KAZN: variants seen among roughly 807,000 people sequenced by gnomAD.
KAZN encodes the protein kazrin, periplakin interacting protein, also known as kazrin.
A neutral mutation model predicts 87.4 loss-of-function variants in KAZN; 40 were observed. The observed-to-expected ratio is 0.46, with a 90% CI of 0.36 to 0.60. KAZN has a LOEUF of 0.60. KAZN is among the 20% of genes least tolerant of loss of function. The probability of loss-of-function intolerance (pLI) is 0.00; values close to 1 mark genes in which losing one functional copy is unlikely to be tolerated. For synonymous variants in KAZN, 466 were observed against 458.3 expected (o/e 1.02, Z -0.22); for missense variants, 898 against 1,073.9 (o/e 0.84, Z 2.29).
At chr1:14,958,213 C>T (rs7551457) in intron 1 of KAZN, among the ~76,000 whole-genome samples, 26,871 of 152,184 alleles carry the variant, frequency 0.18, 2,818 homozygotes, top group Non-Finnish European at 0.24. Flanking sequence ...GCACTGATGG[C>T]GAGGGTAGGG....
At chr1:14,854,334 A>G (rs1014254402) in intron 1 of KAZN, among the ~76,000 whole-genome samples, 2 of 152,350 alleles carry the variant, frequency 1.3e-5, no homozygotes, top group African/African-American at 4.8e-5. Flanking sequence ...TTTCCTTTGC[A>G]GTATTTCAAT....
chr1:15,065,855 C>G lies in KAZN; in HGVS notation c.1222+102C>G, dbSNP rs1639187004. On this transcript the variant is annotated intron_variant, in intron 8 of 14. Coordinates refer to ENST00000376030, the MANE Select transcript of KAZN (RefSeq NM_201628.3). ...GTGTCTGTGCGTGTGGGCGTGTGTG[C>G]AAGCGAGCGTGGGTGCGCGTGTGGC... 4.3e-5 allele frequency: 67 copies of G among 1,558,326 alleles called. No homozygotes were observed. In the South Asian group the frequency reaches 7.8e-4, roughly 18 times the overall value.
intron 1 of KAZN, among the ~76,000 whole-genome samples, chr1:14,925,928 T>A (rs1049815806): frequency 5.9e-5 from 9 of 152,090 alleles, no homozygotes; most frequent in African/African-American, 2.2e-4. Context: ...GATGGGAGAG[T>A]TTGGTCAAGT....
intron 2 of KAZN, among the ~76,000 whole-genome samples, chr1:14,419,097 A>C (rs1044258036): frequency 2.0e-5 from 3 of 152,222 alleles, no homozygotes; most frequent in African/African-American, 4.8e-5. Flanking sequence ...TTTCAATAGA[A>C]AAAGTTTATC....
intron 8 of KAZN, among the ~76,000 whole-genome samples, chr1:15,073,911 G>A (rs1395536440): frequency 2.0e-5 from 3 of 152,240 alleles, no homozygotes; most frequent in Non-Finnish European, 4.4e-5. Context: ...CAGATGTGGA[G>A]CTGCTACAGA....
chr1:14,725,401 C>A (rs1643329012), intron 1 of KAZN, among the ~76,000 whole-genome samples: 1 of 151,516 alleles, frequency 6.6e-6, no homozygotes, highest in Non-Finnish European at 1.5e-5. Context: ...TTGTGTAATT[C>A]TTTATTCATT....
chr1:14,081,324 T>A (rs1268299737), intron 1 of KAZN, among the ~76,000 whole-genome samples: 1 of 152,086 alleles, frequency 6.6e-6, no homozygotes, highest in South Asian at 2.1e-4. Flanking sequence ...ATCTGTGATA[T>A]GACCACTCGG....
At chr1:14,284,790 G>A (rs759377526) in intron 2 of KAZN, among the ~76,000 whole-genome samples, 9 of 152,154 alleles carry the variant, frequency 5.9e-5, no homozygotes, top group South Asian at 4.1e-4. Context: ...AAGTAAGTAC[G>A]TCAGCAATTG....
intron 1 of KAZN, among the ~76,000 whole-genome samples, chr1:13,983,662 C>T (rs1190283009): frequency 6.6e-6 from 1 of 152,226 alleles, no homozygotes; most frequent in East Asian, 1.9e-4. Flanking sequence ...AAGTGGGAGC[C>T]TACGCAGAGG....
intron 1 of KAZN, among the ~76,000 whole-genome samples, chr1:14,030,635 T>C (rs919810655): frequency 6.9e-6 from 1 of 145,024 alleles, no homozygotes; most frequent in African/African-American, 2.6e-5. Flanking sequence ...TGTACACAGA[T>C]ACACACACAC....
intron 1 of KAZN, among the ~76,000 whole-genome samples, chr1:14,716,844 A>T (rs900436448): frequency 2.6e-5 from 4 of 151,958 alleles, no homozygotes; most frequent in Non-Finnish European, 5.9e-5. Flanking sequence ...TGTTAAATCC[A>T]TTTACCAGTC....
At chr1:14,407,159 G>C (rs532701642) in intron 2 of KAZN, among the ~76,000 whole-genome samples, 14 of 152,276 alleles carry the variant, frequency 9.2e-5, no homozygotes, top group African/African-American at 3.4e-4. Flanking sequence ...TTCCGTCGAT[G>C]GACATGTGGG....
At position 15,099,823 on chromosome 1, in the gene KAZN, G is replaced by A. The variant is rs1432406332; in HGVS notation, c.1548-1720G>A. 6.6e-6 allele frequency among the ~76,000 whole-genome samples: 1 copy of A among 152,202 alleles called. No individual in the cohort carries two copies. Among genetic ancestry groups the A allele is most frequent in the Non-Finnish European group, 1.5e-5 (1 of 68,036 alleles). ...AAACGGGGAGCAGCCGGGGAAAGTG[G>A]CAGAAACCCACACCAGAGACGCCTG... On this transcript the variant is annotated intron_variant, in intron 10 of 14. Coordinates refer to ENST00000376030, the MANE Select transcript of KAZN (RefSeq NM_201628.3). This position sits in a 1 kb window ranked among gnomAD's most constrained non-coding sequence, Gnocchi z 5.4.
intron 1 of KAZN, among the ~76,000 whole-genome samples, chr1:14,652,608 T>C: frequency 1.1e-5 from 1 of 93,192 alleles, no homozygotes; most frequent in African/African-American, 4.2e-5. Flanking sequence ...CATCCACTCA[T>C]GCACCCACTC....
intron 2 of KAZN, among the ~76,000 whole-genome samples, chr1:14,568,365 G>T (rs1351386556): frequency 6.6e-6 from 1 of 152,184 alleles, no homozygotes; most frequent in African/African-American, 2.4e-5. Flanking sequence ...CTTTCATGCT[G>T]CTGATAAAGA....
chr1:14,419,112 G>C (rs1665115642), intron 2 of KAZN, among the ~76,000 whole-genome samples: 1 of 152,124 alleles, frequency 6.6e-6, no homozygotes. Flanking sequence ...TTTATCTCTT[G>C]GTAGCACCCC....
intron 1 of KAZN, among the ~76,000 whole-genome samples, chr1:14,157,210 T>G (rs1002530133): frequency 5.9e-5 from 9 of 152,134 alleles, no homozygotes; most frequent in African/African-American, 2.2e-4. Context: ...TCTTGAAAAG[T>G]TGTTGCAGTT....
chr1:14,409,971 T>C (rs551938832), intron 2 of KAZN, among the ~76,000 whole-genome samples: 3 of 152,242 alleles, frequency 2.0e-5, no homozygotes, highest in Admixed American at 1.3e-4. Context: ...GAACAGCAGA[T>C]TAATCAGATA....
At chr1:14,178,067 A>C (rs970116408) in intron 1 of KAZN, among the ~76,000 whole-genome samples, 3 of 152,204 alleles carry the variant, frequency 2.0e-5, no homozygotes, top group Non-Finnish European at 4.4e-5. Flanking sequence ...TATGATAATG[A>C]GTGAGTCTCA....
Sources: allele counts gnomAD v4.1 joint callset (sites outside exome capture counted in the v4.1 genomes callset), GRCh38; gene constraint gnomAD v4.1.1; non-coding constraint Gnocchi (gnomAD v3.1); transcripts MANE v1.5; gene names NCBI Gene and HGNC (gene_info 2026-07-23, HGNC 2026-07-21).